The following EML6 variants were observed in gnomAD, a reference collection of about 807,000 sequenced individuals.
The protein encoded by EML6 is EMAP like 6.
Under a neutral mutation model 240.1 loss-of-function variants are expected in EML6, and 154 were observed. The ratio of observed to expected loss-of-function variants is 0.64; its 90% CI spans 0.56 to 0.73. The LOEUF (loss-of-function observed/expected upper bound fraction) is 0.73, where lower values mean the gene tolerates loss of function less well. Among genes scored for constraint, EML6 ranks in the 30% least tolerant of loss-of-function variants. The pLI is 0.00. For synonymous variants in EML6, 1,148 were observed against 899.0 expected (o/e 1.28, Z -4.95); for missense variants, 2,964 against 2,474.6 (o/e 1.20, Z -4.20).
intron 2 of EML6, among the ~76,000 whole-genome samples, chr2:54,812,015 C>T (rs1254318632): frequency 3.9e-5 from 6 of 152,118 alleles, no homozygotes; most frequent in African/African-American, 1.2e-4. Context: ...ATTTAAAGTA[C>T]ATATGTTGTT....
chr2:54,772,273 C>G (rs1212232383), intron 2 of EML6, among the ~76,000 whole-genome samples: 3 of 152,080 alleles, frequency 2.0e-5, no homozygotes, highest in Non-Finnish European at 2.9e-5. Flanking sequence ...TAAAACGAAG[C>G]TTGAAGTGAC....
chr2:54,731,652 G>C (rs1430328885), intron 2 of EML6, among the ~76,000 whole-genome samples: 2 of 151,940 alleles, frequency 1.3e-5, no homozygotes, highest in Non-Finnish European at 2.9e-5. Context: ...GTTTTGTTTT[G>C]GAAAATGTGG....
chr2:54,846,585 G>T (rs183340483), intron 8 of EML6, among the ~76,000 whole-genome samples: 2 of 151,382 alleles, frequency 1.3e-5, no homozygotes, highest in East Asian at 2.0e-4. Flanking sequence ...CTAGGCTCAA[G>T]CTATCCTCCT....
chr2:54,858,579 A>G (rs919878791), intron 11 of EML6, among the ~76,000 whole-genome samples: 2 of 152,196 alleles, frequency 1.3e-5, no homozygotes, highest in Non-Finnish European at 2.9e-5. Flanking sequence ...TGAAGTAGGC[A>G]AGTTTGCTTT....
chr2:54,937,955 A>G (rs1408864502), intron 28 of EML6, among the ~76,000 whole-genome samples: 1 of 152,192 alleles, frequency 6.6e-6, no homozygotes, highest in African/African-American at 2.4e-5. Flanking sequence ...CTTTATACGT[A>G]AAGAGGTTTG....
intron 2 of EML6, among the ~76,000 whole-genome samples, chr2:54,787,478 C>T (rs1001406231): frequency 5.3e-5 from 8 of 152,182 alleles, no homozygotes; most frequent in Non-Finnish European, 8.8e-5. Context: ...GTTCCTTAAC[C>T]TCCGTGAGCC....
chr2:54,814,773 G>A (rs192417580), intron 3 of EML6, among the ~76,000 whole-genome samples: 1 of 152,238 alleles, frequency 6.6e-6, no homozygotes, highest in East Asian at 1.9e-4. Flanking sequence ...AGAGAGCATC[G>A]ATCACTAGTC....
chr2:54,893,536 G>A (rs1026096185), intron 19 of EML6, among the ~76,000 whole-genome samples: 1 of 152,174 alleles, frequency 6.6e-6, no homozygotes, highest in Non-Finnish European at 1.5e-5. Flanking sequence ...TGTTACAGAG[G>A]CAGTTAAATT....
intron 2 of EML6, among the ~76,000 whole-genome samples, chr2:54,733,799 A>G (rs1442862066): frequency 2.6e-5 from 4 of 152,194 alleles, no homozygotes; most frequent in Non-Finnish European, 1.5e-5. Context: ...TACCAGGTCC[A>G]AACAGCTGTA....
At position 54,894,910 on chromosome 2, in the gene EML6, C is replaced by T. The variant is rs1374789698; in HGVS notation, c.2743-5C>T. The stretch of plus-strand genomic sequence containing the variant: ...ATATAATACCTCTCATGTGTGCCTT[C>T]ACAGGGCTTTGTAACAGGTGGAAAG... On this transcript the variant is annotated splice_region_variant and splice_polypyrimidine_tract_variant and intron_variant, in intron 19 of 41. Transcript: ENST00000356458. The T allele has an allele frequency of 5.8e-6, 9 of 1,548,108 alleles. No individual in the cohort carries two copies. The South Asian group carries it at 6.0e-5, about 10-fold the overall frequency.
intron 16 of EML6, among the ~76,000 whole-genome samples, chr2:54,877,783 G>A (rs1322167325): frequency 1.3e-5 from 2 of 152,242 alleles, no homozygotes; most frequent in Non-Finnish European, 2.9e-5. Flanking sequence ...CAGCCTAGTA[G>A]CTTGAAAGGG....
intron 28 of EML6, among the ~76,000 whole-genome samples, chr2:54,946,533 C>T (rs1184758010): frequency 2.0e-5 from 3 of 152,200 alleles, no homozygotes; most frequent in Admixed American, 1.3e-4. Context: ...GTTAAACCTC[C>T]AGTGTTTGGC....
chr2:54,853,642 G>T lies in EML6; in HGVS notation c.1445-1G>T. On this transcript the variant is annotated splice_acceptor_variant, in intron 10 of 41. Transcript: ENST00000356458. LOFTEE classifies it high-confidence loss of function. ...GTAATGTTAATATTGATTATTTTCA[G>T]CTGGGAAGCCTTTAACAAGTAAAGA... is the stretch of plus-strand genomic sequence containing the variant. 1 of 1,520,276 alleles carries T rather than the reference G, an allele frequency of 6.6e-7. No homozygotes were observed. Among genetic ancestry groups the T allele is most frequent in the Non-Finnish European group, 8.9e-7 (1 of 1,127,574 alleles). 94.2% of individuals were successfully genotyped at this position (1,520,276 alleles called of 1,614,324 possible).
At chr2:54,873,949 C>T (rs963168374) in intron 16 of EML6, among the ~76,000 whole-genome samples, 1 of 151,108 alleles carries the variant, frequency 6.6e-6, no homozygotes, top group Non-Finnish European at 1.5e-5. Flanking sequence ...CTCAAAATAC[C>T]ATCTATCACT....
At chr2:54,845,762 G>C (rs561435736) in intron 8 of EML6, among the ~76,000 whole-genome samples, 21 of 152,132 alleles carry the variant, frequency 1.4e-4, no homozygotes, top group Non-Finnish European at 2.8e-4. Context: ...GGACCGGTAA[G>C]CTATTTACTG....
intron 36 of EML6, among the ~76,000 whole-genome samples, chr2:54,963,267 T>A (rs1024255482): frequency 6.6e-6 from 1 of 152,264 alleles, no homozygotes; most frequent in Non-Finnish European, 1.5e-5. Flanking sequence ...GTATTTTTAG[T>A]GTCAGAGTCA....
intron 28 of EML6, among the ~76,000 whole-genome samples, chr2:54,946,450 C>G (rs1283096431): frequency 6.6e-6 from 1 of 152,200 alleles, no homozygotes; most frequent in Non-Finnish European, 1.5e-5. Flanking sequence ...CTCCTTCCCA[C>G]CTCAGCAAAG....
chr2:54,831,724 A>G (rs1219445926), intron 7 of EML6, among the ~76,000 whole-genome samples: 1 of 152,096 alleles, frequency 6.6e-6, no homozygotes, highest in African/African-American at 2.4e-5. Context: ...TTGTAGGGAG[A>G]AACAGATTGT....
chr2:54,933,600 G>T (rs1489198486), intron 28 of EML6, among the ~76,000 whole-genome samples: 3 of 152,018 alleles, frequency 2.0e-5, no homozygotes, highest in African/African-American at 7.3e-5. Flanking sequence ...CTGGTATGGT[G>T]GCACACGCCT....
Sources: allele counts gnomAD v4.1 joint callset (sites outside exome capture counted in the v4.1 genomes callset), GRCh38; gene constraint gnomAD v4.1.1; transcripts MANE v1.5; gene names NCBI Gene and HGNC (gene_info 2026-07-23, HGNC 2026-07-21).